The following C8orf89 variants were observed in gnomAD, a reference collection of about 807,000 sequenced individuals.
The protein encoded by C8orf89 is chromosome 8 open reading frame 89.
A neutral mutation model predicts 15.8 loss-of-function variants in C8orf89; 14 were observed. The observed-to-expected ratio is 0.89, with a 90% CI of 0.59 to 1.39. The LOEUF is 1.39. Ranked by LOEUF, C8orf89 falls within the 40% of genes most tolerant of loss-of-function variation. C8orf89 has a pLI of 0.00. For synonymous variants in C8orf89, 55 were observed against 62.2 expected (o/e 0.88, Z 0.54); for missense variants, 181 against 184.5 (o/e 0.98, Z 0.11).
At chr8:73,272,374 T>C in the C8orf89 span, among the ~76,000 whole-genome samples, 1 of 152,154 alleles carries the variant, frequency 6.6e-6, no homozygotes, top group Admixed American at 6.5e-5. Context: ...AATTAAAACA[T>C]CTAACATTCC....
At chr8:73,278,992 T>G in the C8orf89 span, among the ~76,000 whole-genome samples, 1 of 152,226 alleles carries the variant, frequency 6.6e-6, no homozygotes, top group African/African-American at 2.4e-5. Flanking sequence ...GACAATTCTT[T>G]GTTGTACCAA....
chr8:73,264,704 T>C, the C8orf89 span, among the ~76,000 whole-genome samples: 1 of 152,204 alleles, frequency 6.6e-6, no homozygotes, highest in Non-Finnish European at 1.5e-5. Flanking sequence ...TTGACCAGGC[T>C]GGTCTCAAAC....
At chr8:73,253,192 TAAAC>T (rs1158373587) in intron 2 of C8orf89, among the ~76,000 whole-genome samples, 1 of 152,096 alleles carries the variant, frequency 6.6e-6, no homozygotes, top group Non-Finnish European at 1.5e-5. Flanking sequence ...GAAGAACAAA[TAAAC>T]AAACCAAAGC....
At chr8:73,280,042 C>G in the C8orf89 span, among the ~76,000 whole-genome samples, 1 of 152,204 alleles carries the variant, frequency 6.6e-6, no homozygotes, top group Non-Finnish European at 1.5e-5. Flanking sequence ...CCCACAGAAT[C>G]CATGAGCACA....
At chr8:73,277,787 G>A in the C8orf89 span, 14 of 735,068 alleles carry the variant, frequency 1.9e-5, no homozygotes, top group South Asian at 1.3e-5. Flanking sequence ...CTCAACAGAG[G>A]AAACAGCCTG....
chr8:73,279,473 A>C, the C8orf89 span, among the ~76,000 whole-genome samples: 2 of 152,186 alleles, frequency 1.3e-5, no homozygotes, highest in African/African-American at 4.8e-5. Flanking sequence ...TTTTCTTACC[A>C]TAGCTCAAGT....
intron 3 of C8orf89, among the ~76,000 whole-genome samples, chr8:73,246,442 A>C (rs1813125750): frequency 6.6e-6 from 1 of 152,166 alleles, no homozygotes; most frequent in African/African-American, 2.4e-5. Context: ...GCAGTGGCAC[A>C]ATCTTGGCTC....
intron 1 of C8orf89, among the ~76,000 whole-genome samples, chr8:73,258,584 G>GAT (rs1463303696): frequency 1.3e-5 from 2 of 151,306 alleles, no homozygotes; most frequent in Admixed American, 1.3e-4. Context: ...TGGGATTTAA[G>GAT]ATACTCTCCA....
chr8:73,285,919 G>A, the C8orf89 span, among the ~76,000 whole-genome samples: 10 of 152,186 alleles, frequency 6.6e-5, no homozygotes, highest in African/African-American at 2.4e-4. Context: ...GGCGTCTCCC[G>A]AGGCTGCAGC....
chr8:73,272,877 A>T, the C8orf89 span, among the ~76,000 whole-genome samples: 1 of 152,092 alleles, frequency 6.6e-6, no homozygotes, highest in Non-Finnish European at 1.5e-5. Context: ...TCTCTATTTT[A>T]CATTGAGAAA....
At chr8:73,271,095 A>T in the C8orf89 span, among the ~76,000 whole-genome samples, 1,432 of 152,292 alleles carry the variant, frequency 9.4e-3, 32 homozygotes, top group African/African-American at 0.033. Flanking sequence ...TTCCTGGATA[A>T]GGCAGCCATT....
upstream of C8orf89, among the ~76,000 whole-genome samples, chr8:73,260,120 A>C (rs1173615538): frequency 6.6e-6 from 1 of 152,246 alleles, no homozygotes; most frequent in Non-Finnish European, 1.5e-5. Flanking sequence ...CATGCAAAAT[A>C]AATTATTTAC....
the C8orf89 span, among the ~76,000 whole-genome samples, chr8:73,272,055 G>A: frequency 3.3e-5 from 5 of 152,098 alleles, no homozygotes; most frequent in East Asian, 1.9e-4. Flanking sequence ...ATTATTATAG[G>A]CCAAGAATCG....
chr8:73,283,093 G>C, the C8orf89 span, among the ~76,000 whole-genome samples: 1 of 152,152 alleles, frequency 6.6e-6, no homozygotes, highest in Non-Finnish European at 1.5e-5. Context: ...CTGTAATAAA[G>C]TTGGCAAAGG....
the C8orf89 span, among the ~76,000 whole-genome samples, chr8:73,265,501 G>A: frequency 6.6e-6 from 1 of 152,206 alleles, no homozygotes; most frequent in African/African-American, 2.4e-5. Context: ...AAGGCTTTAA[G>A]GAGATGACCC....
chr8:73,269,478 G>A, the C8orf89 span, among the ~76,000 whole-genome samples: 1 of 152,132 alleles, frequency 6.6e-6, no homozygotes, highest in African/African-American at 2.4e-5. Context: ...AGAAAACTTT[G>A]AACATTCATT....
At chr8:73,258,600 C>T (rs1386492874) in intron 1 of C8orf89, among the ~76,000 whole-genome samples, 1 of 151,132 alleles carries the variant, frequency 6.6e-6, no homozygotes, top group Admixed American at 6.6e-5. Flanking sequence ...CTCCACATAA[C>T]TCAGTCAAAA....
At chr8:73,254,147 T>C (rs900317299) in intron 2 of C8orf89, among the ~76,000 whole-genome samples, 1 of 152,170 alleles carries the variant, frequency 6.6e-6, no homozygotes, top group African/African-American at 2.4e-5. Flanking sequence ...CATGAAGAGT[T>C]GTTGAATTTT....
chr8:73,270,424 C>T, the C8orf89 span, among the ~76,000 whole-genome samples: 24 of 152,258 alleles, frequency 1.6e-4, no homozygotes, highest in African/African-American at 5.8e-4. Flanking sequence ...GAGACCTAAT[C>T]CCCTAATTTT....
Sources: allele counts gnomAD v4.1 joint callset (sites outside exome capture counted in the v4.1 genomes callset), GRCh38; gene constraint gnomAD v4.1.1; transcripts MANE v1.5; gene names NCBI Gene and HGNC (gene_info 2026-07-23, HGNC 2026-07-21).